Variants in HSF5 observed in about 807,000 individuals in gnomAD.
The protein encoded by HSF5 is heat shock transcription factor 5.
In HSF5, 5 loss-of-function variants were observed where a neutral mutation model predicts 50.8. That is an observed-to-expected ratio of 0.10 (90% CI 0.05 to 0.21). The LOEUF (loss-of-function observed/expected upper bound fraction) is 0.21. Ranked by LOEUF, HSF5 falls within the 10% of genes least tolerant of loss-of-function variation. The pLI is 1.00. For missense variants in HSF5, 564 were observed against 762.6 expected (o/e 0.74, Z 3.07); for synonymous variants, 307 against 307.4 (o/e 1.00, Z 0.02).
intron 5 of HSF5, among the ~76,000 whole-genome samples, chr17:58,431,497 G>A (rs1001995399): frequency 6.6e-5 from 10 of 151,976 alleles, no homozygotes; most frequent in African/African-American, 2.4e-4. Flanking sequence ...AATCTTACGG[G>A]ACCACTGTTC....
At chr17:58,422,506 C>G in intron 5 of HSF5, 76 bp from the exon 6 acceptor site, 1 of 1,154,286 alleles carries the variant, frequency 8.7e-7, no homozygotes, top group Admixed American at 2.0e-5. Context: ...ACAAGCAGAA[C>G]AAGTTGTCTA....
Position 58,488,071 on chromosome 17 carries a change from C to G in HSF5, c.204G>C (p.Glu68Asp). 1.3e-6 allele frequency: 2 copies of G among 1,574,824 alleles called. No homozygotes were observed. Among genetic ancestry groups the G allele is most frequent in the South Asian group, 2.3e-5 (2 of 88,794 alleles). The change falls in exon 1 of 6, where the codon GAG becomes GAC. Residue 68 changes from glutamate to aspartate, a missense_variant. Glu to Asp is a conservative substitution (Grantham distance 45). This residue lies in a region of HSF5 where 72 missense variants were observed against 110.9 expected (regional missense o/e 0.65). Transcript: ENST00000323777. The surrounding 1 kb of genome is among the most constrained non-coding windows in gnomAD (Gnocchi z 4.1). ...GGGGTAGAGA[E>D]PELFKTTSFT... ...AGCTGGTGGTTTTGAAGAGCTCGGG[C>G]TCGGCCCCGGCCCCCGCAGTCCCGC...
intron 5 of HSF5, among the ~76,000 whole-genome samples, chr17:58,454,120 C>G (rs1451593683): frequency 1.3e-5 from 2 of 152,014 alleles, no homozygotes; most frequent in Non-Finnish European, 2.9e-5. Context: ...AAACCAGAGA[C>G]CTTTGTTCAC....
chr17:58,487,995 G>C lies in HSF5; in HGVS notation c.280C>G (p.Leu94Val). The C allele has an allele frequency of 6.2e-7, 1 of 1,610,332 alleles. No individual in the cohort carries two copies. Among genetic ancestry groups the C allele is most frequent in the Non-Finnish European group, 8.5e-7 (1 of 1,179,120 alleles). The change falls in exon 1 of 6, where the codon CTG becomes GTG. Residue 94 changes from leucine to valine, a missense_variant. Leu to Val is a conservative substitution (Grantham distance 32). Transcript: ENST00000323777. ...LNLYGFRKVV[L>V]GGPGGGKPAG... ...GGTTTGCCGCCCCCCGGCCCGCCCA[G>C]CACCACCTTGCGGAAGCCGTAGAGG...
At chr17:58,477,926 A>G (rs886478722) in intron 2 of HSF5, among the ~76,000 whole-genome samples, 6 of 152,130 alleles carry the variant, frequency 3.9e-5, no homozygotes, top group African/African-American at 1.4e-4. Flanking sequence ...TAACTGAAAA[A>G]ATTAAAGATC....
intron 1 of HSF5, among the ~76,000 whole-genome samples, chr17:58,483,244 A>G (rs1451918911): frequency 1.3e-5 from 2 of 152,226 alleles, no homozygotes; most frequent in Non-Finnish European, 2.9e-5. Context: ...AAATTGTTTT[A>G]TATCTGTCTA....
At chr17:58,456,220 T>C (rs1266797495) in intron 5 of HSF5, among the ~76,000 whole-genome samples, 2 of 151,362 alleles carry the variant, frequency 1.3e-5, no homozygotes, top group African/African-American at 4.9e-5. Context: ...TACAATGGAA[T>C]ACTATTCAGC....
rs2143715939 is a variant in HSF5, at chr17:58,421,537, T to C, written c.*823A>G. ...CTTCTATCCTGCAATAATAAAAATA[T>C]AAAACTTTAAAACCTTTAAATCTAT... is the stretch of plus-strand genomic sequence containing the variant. On this transcript the variant is annotated 3_prime_UTR_variant, in exon 6 of 6. Transcript: ENST00000323777. 1 of 152,296 alleles carries C rather than the reference T, an allele frequency of 6.6e-6. No homozygotes were observed. The highest frequency in any genetic ancestry group is 1.9e-4 in the East Asian group (1 of 5,192). The allele number at this position is 152,296 out of a possible 1,614,324, so 9.4% of individuals were successfully genotyped here. A position where few individuals can be genotyped will look rare whatever the true frequency, so the allele number is the denominator to read the frequency against.
chr17:58,465,545 C>A (rs1466171513), intron 3 of HSF5, among the ~76,000 whole-genome samples: 1 of 151,490 alleles, frequency 6.6e-6, no homozygotes, highest in Non-Finnish European at 1.5e-5. Context: ...TGAAAAATGG[C>A]CAGCTAAGTC....
chr17:58,442,218 CT>C (rs1974507675), intron 5 of HSF5, among the ~76,000 whole-genome samples: 1 of 152,170 alleles, frequency 6.6e-6, no homozygotes, highest in Non-Finnish European at 1.5e-5. Flanking sequence ...TGGTGGAATG[CT>C]TAGGTGGGTA....
At chr17:58,460,478 T>TACACAC (rs34994266) in intron 4 of HSF5, among the ~76,000 whole-genome samples, 12 of 137,726 alleles carry the variant, frequency 8.7e-5, no homozygotes, top group East Asian at 2.1e-4. Flanking sequence ...TACATATATA[T>TACACAC]ACACACACAC....
At chr17:58,427,131 G>C (rs1974306596) in intron 5 of HSF5, among the ~76,000 whole-genome samples, 2 of 152,030 alleles carry the variant, frequency 1.3e-5, no homozygotes, top group African/African-American at 4.8e-5. Flanking sequence ...GCTGAGTGTG[G>C]TGGCATGTGG....
Position 58,487,996 on chromosome 17 carries a change from C to A in HSF5, c.279G>T (p.Val93=). ...GTTTGCCGCCCCCCGGCCCGCCCAG[C>A]ACCACCTTGCGGAAGCCGTAGAGGT... ...QLNLYGFRKV[V]LGGPGGGKPA... is the part of the protein sequence containing the mutation. The change falls in exon 1 of 6, where the codon GTG becomes GTT. Residue 93 remains valine (V), a synonymous_variant. Coordinates refer to ENST00000323777, the MANE Select transcript of HSF5 (RefSeq NM_001080439.3). The A allele has an allele frequency of 3.7e-6, 6 of 1,609,868 alleles. No homozygotes were observed. The highest frequency in any genetic ancestry group is 4.2e-6 in the Non-Finnish European group (5 of 1,178,956).
chr17:58,473,960 C>T (rs1240935015), intron 2 of HSF5, among the ~76,000 whole-genome samples: 3 of 152,084 alleles, frequency 2.0e-5, no homozygotes, highest in Non-Finnish European at 1.5e-5. Context: ...ATCTTCCCAC[C>T]TCAGCCCCCA....
chr17:58,451,109 C>T (rs73317763), intron 5 of HSF5, among the ~76,000 whole-genome samples: 3,246 of 152,002 alleles, frequency 0.021, 104 homozygotes, highest in African/African-American at 0.074. Flanking sequence ...ATGATGATGA[C>T]GATAAAGGGG....
chr17:58,461,359 T>C (rs1282426557), intron 4 of HSF5, among the ~76,000 whole-genome samples: 1 of 150,330 alleles, frequency 6.7e-6, no homozygotes, highest in Non-Finnish European at 1.5e-5. Context: ...AATGAGGTGA[T>C]ATAAATTTAA....
At chr17:58,424,353 CT>C (rs536566985) in intron 5 of HSF5, among the ~76,000 whole-genome samples, 103 of 152,044 alleles carry the variant, frequency 6.8e-4, no homozygotes, top group African/African-American at 2.3e-3. Context: ...TGACTCATGC[CT>C]GTAATCCTAG....
chr17:58,428,485 C>G (rs938510388), intron 5 of HSF5, among the ~76,000 whole-genome samples: 1 of 152,068 alleles, frequency 6.6e-6, no homozygotes, highest in African/African-American at 2.4e-5. Flanking sequence ...CAGTGAAACC[C>G]TGCCTCTACT....
intron 5 of HSF5, among the ~76,000 whole-genome samples, chr17:58,432,164 A>G (rs1974373229): frequency 6.6e-6 from 1 of 152,228 alleles, no homozygotes; most frequent in Non-Finnish European, 1.5e-5. Context: ...TATATGGAGA[A>G]AAAAAGCAAC....
Sources: gnomAD v4.1 joint callset for allele counts (sites outside exome capture counted in the v4.1 genomes callset) on GRCh38, gnomAD v4.1.1 for gene constraint, gnomAD v4.1.1 regional missense constraint, Gnocchi (gnomAD v3.1) non-coding constraint, MANE v1.5 for transcripts, NCBI Gene and HGNC (gene_info 2026-07-23, HGNC 2026-07-21) for gene names.